MAP4: variants seen among roughly 807,000 people sequenced by gnomAD.
MAP4 encodes microtubule associated protein 4.
MAP4 carries 76 observed loss-of-function variants against 170.2 expected under a neutral mutation model. The observed-to-expected ratio is 0.45, with a 90% CI of 0.37 to 0.54. MAP4 has a LOEUF of 0.54. Ranked by LOEUF, MAP4 falls within the 20% of genes least tolerant of loss-of-function variation. MAP4 has a pLI of 0.00. For missense variants in MAP4, 2,506 were observed against 2,748.0 expected, an observed-to-expected ratio of 0.91 and a Z score of 1.97; for synonymous variants, 909 against 994.5, an observed-to-expected ratio of 0.91 and a Z score of 1.62.
At chr3:48,050,245 C>T (rs1238430371) in intron 1 of MAP4, among the ~76,000 whole-genome samples, 1 of 135,838 alleles carries the variant, frequency 7.4e-6, no homozygotes, top group African/African-American at 2.7e-5. Context: ...GGCAAAAGAG[C>T]GAGACTCCAT....
chr3:48,077,728 T>C (rs2100144681), intron 1 of MAP4, among the ~76,000 whole-genome samples: 1 of 152,176 alleles, frequency 6.6e-6, no homozygotes, highest in Non-Finnish European at 1.5e-5. Flanking sequence ...AATGTCCATA[T>C]AAAAGCATAT....
chr3:48,021,205 G>A (rs371180565), upstream of MAP4, among the ~76,000 whole-genome samples: 9 of 152,260 alleles, frequency 5.9e-5, no homozygotes, highest in African/African-American at 2.2e-4. Context: ...ACTAGATGTA[G>A]AATCTGAGGC....
At chr3:47,973,394 A>G (rs2100079960) in intron 3 of MAP4, 1 of 985,316 alleles carries the variant, frequency 1.0e-6, no homozygotes, top group Admixed American at 6.1e-5. Flanking sequence ...CTATGGCAAT[A>G]CAGCATTTCA....
chr3:47,984,345 A>T (rs542296808), intron 2 of MAP4, among the ~76,000 whole-genome samples: 85 of 152,308 alleles, frequency 5.6e-4, no homozygotes, highest in Admixed American at 1.5e-3. Flanking sequence ...TTTCTGATTC[A>T]TAAAATGTGA....
chr3:47,938,200 T>C (rs1440900491), intron 3 of MAP4, among the ~76,000 whole-genome samples: 1 of 151,516 alleles, frequency 6.6e-6, no homozygotes, highest in Non-Finnish European at 1.5e-5. Flanking sequence ...GATGAAACGC[T>C]GTCTCTACTA....
chr3:48,045,753 G>A (rs935700507), intron 1 of MAP4, among the ~76,000 whole-genome samples: 9 of 152,196 alleles, frequency 5.9e-5, no homozygotes, highest in Non-Finnish European at 1.0e-4. Flanking sequence ...CTGTTAGCCA[G>A]GATGGTCTCG....
Position 47,909,148 on chromosome 3 carries a change from G to C in MAP4, c.5273C>G (p.Ala1758Gly). Residue 1758 changes from alanine (A) to glycine (G), a missense_variant, in exon 9 of 21, where the codon GCA becomes GGA. This residue lies in a region of MAP4 where 2,008 missense variants were observed against 2,206.0 expected (regional missense o/e 0.91). Transcript: ENST00000683076. ...EGKKEDKSRMAEPMKGYMRPT... is the reference protein window; with the variant it reads ...EGKKEDKSRMGEPMKGYMRPT... ...TCTCATGTAGCCTTTCATTGGTTCT[G>C]CCATTCTGCTTTTATCTTCCTTTTT... 6.2e-7 allele frequency: 1 copy of C among 1,613,860 alleles called. No individual in the cohort carries two copies. Among genetic ancestry groups the C allele is most frequent in the Non-Finnish European group, 8.5e-7 (1 of 1,179,868 alleles).
chr3:47,875,731 G>T lies in MAP4; in HGVS notation c.5711C>A (p.Ala1904Asp). The T allele has an allele frequency of 6.2e-7, 1 of 1,613,770 alleles. No homozygotes were observed. Among genetic ancestry groups the T allele is most frequent in the Non-Finnish European group, 8.5e-7 (1 of 1,180,018 alleles). Residue 1904 changes from alanine (A) to aspartate (D), a missense_variant, in exon 12 of 21, where the codon GCC becomes GAC. This residue lies in a region of MAP4 where 487 missense variants were observed against 511.6 expected (regional missense o/e 0.95). Coordinates refer to ENST00000683076, the MANE Select transcript of MAP4 (RefSeq NM_001385682.1). ...PAAPPKRPAV[A>D]SARPSILPSK... ...AGGTAAGATGGAAGGCCTGGCAGAG[G>T]CGACGGCAGGGCGTTTGGGTGGGGC... is the stretch of plus-strand genomic sequence containing the variant.
chr3:48,010,092 T>C (rs1271844250), intron 1 of MAP4, among the ~76,000 whole-genome samples: 1 of 152,214 alleles, frequency 6.6e-6, no homozygotes, highest in Non-Finnish European at 1.5e-5. Flanking sequence ...TACCATGCCC[T>C]GTGATTACTG....
chr3:47,892,548 G>T, intron 10 of MAP4: 2 of 1,457,898 alleles, frequency 1.4e-6, no homozygotes, highest in South Asian at 1.4e-5. Flanking sequence ...TACCACCTAC[G>T]ATCACACAGA....
chr3:48,037,589 T>TC (rs2100119366), intron 1 of MAP4, among the ~76,000 whole-genome samples: 1 of 152,012 alleles, frequency 6.6e-6, no homozygotes, highest in Non-Finnish European at 1.5e-5. Context: ...GAGACAGGGC[T>TC]TCTCCATGTT....
intron 17 of MAP4, among the ~76,000 whole-genome samples, chr3:47,863,275 C>T (rs2071522985): frequency 6.6e-6 from 1 of 152,190 alleles, no homozygotes; most frequent in African/African-American, 2.4e-5. Flanking sequence ...TGTGCCCAGC[C>T]CAGTAAAAAG....
At chr3:48,008,054 T>G (rs2100103341) in intron 1 of MAP4, among the ~76,000 whole-genome samples, 1 of 152,220 alleles carries the variant, frequency 6.6e-6, no homozygotes, top group Non-Finnish European at 1.5e-5. Context: ...TGAACTGCCC[T>G]GCCTATCATG....
At chr3:48,006,718 G>A (rs1336988775) in intron 1 of MAP4, among the ~76,000 whole-genome samples, 3 of 152,222 alleles carry the variant, frequency 2.0e-5, no homozygotes, top group Non-Finnish European at 4.4e-5. Flanking sequence ...CTTGAAAGAT[G>A]CAGAAGTGGT....
chr3:47,952,147 C>T (rs1428110538), intron 3 of MAP4, among the ~76,000 whole-genome samples: 10 of 147,984 alleles, frequency 6.8e-5, no homozygotes, highest in African/African-American at 1.5e-4. Flanking sequence ...GGAGCCCCTC[C>T]GCCCGGCAGC....
chr3:48,068,517 T>C (rs946620426), intron 1 of MAP4, among the ~76,000 whole-genome samples: 1 of 152,090 alleles, frequency 6.6e-6, no homozygotes, highest in Non-Finnish European at 1.5e-5. Flanking sequence ...TGGCCAGGTG[T>C]GGTGGCTCAC....
At chr3:47,944,875 C>T (rs1411725946) in intron 3 of MAP4, among the ~76,000 whole-genome samples, 1 of 149,748 alleles carries the variant, frequency 6.7e-6, no homozygotes, top group Non-Finnish European at 1.5e-5. Context: ...GAATTGAATA[C>T]TGACTGGATA....
At chr3:47,934,916 T>G (rs1276304625) in intron 3 of MAP4, among the ~76,000 whole-genome samples, 1 of 152,208 alleles carries the variant, frequency 6.6e-6, no homozygotes, top group African/African-American at 2.4e-5. Context: ...GGAACTTAGA[T>G]CACCACCATC....
intron 1 of MAP4, among the ~76,000 whole-genome samples, chr3:48,085,334 T>C (rs961597623): frequency 5.3e-5 from 8 of 152,098 alleles, no homozygotes; most frequent in Non-Finnish European, 8.8e-5. Flanking sequence ...CAAGACACTA[T>C]GAGATTAGGA....
Sources: allele counts gnomAD v4.1 joint callset (sites outside exome capture counted in the v4.1 genomes callset), GRCh38; gene constraint gnomAD v4.1.1; regional missense constraint gnomAD v4.1.1; transcripts MANE v1.5; gene names NCBI Gene and HGNC (gene_info 2026-07-23, HGNC 2026-07-21).